Variants in SUPT3H observed in about 807,000 individuals in gnomAD.
SUPT3H encodes the protein transcription initiation protein SPT3 homolog.
A neutral mutation model predicts 44.3 loss-of-function variants in SUPT3H; 44 were observed. That is an observed-to-expected ratio of 0.99 (90% confidence interval 0.78 to 1.28). The LOEUF is 1.28. SUPT3H is among the 50% of genes most tolerant of loss of function. The pLI is 0.00. For synonymous variants in SUPT3H, 124 were observed against 125.6 expected (o/e 0.99, Z 0.09); for missense variants, 380 against 387.1 (o/e 0.98, Z 0.15).
At chr6:45,043,127 T>C (rs1788805833) in intron 3 of SUPT3H, among the ~76,000 whole-genome samples, 1 of 109,056 alleles carries the variant, frequency 9.2e-6, no homozygotes, top group Non-Finnish European at 1.9e-5. Flanking sequence ...GAGCCTTGTA[T>C]CTTACATACA....
chr6:45,356,476 C>T (rs1320092893), intron 2 of SUPT3H, among the ~76,000 whole-genome samples: 1 of 152,066 alleles, frequency 6.6e-6, no homozygotes, highest in Non-Finnish European at 1.5e-5. Context: ...CAGCTCACTG[C>T]AACCTCCACC....
chr6:44,987,344 G>A (rs945381520), intron 6 of SUPT3H, among the ~76,000 whole-genome samples: 1 of 151,942 alleles, frequency 6.6e-6, no homozygotes, highest in African/African-American at 2.4e-5. Context: ...TTTATGGGAT[G>A]GTCAGAGAAA....
At chr6:44,998,830 G>T (rs546360847) in intron 6 of SUPT3H, among the ~76,000 whole-genome samples, 2 of 151,698 alleles carry the variant, frequency 1.3e-5, no homozygotes, top group East Asian at 3.9e-4. Context: ...CTATGCTTTA[G>T]TTGAATGTTT....
intron 3 of SUPT3H, among the ~76,000 whole-genome samples, chr6:45,039,538 G>C (rs1424225391): frequency 2.0e-5 from 3 of 151,958 alleles, no homozygotes; most frequent in Non-Finnish European, 1.5e-5. Context: ...CCAGCAATTT[G>C]AGAGGCTAAG....
At chr6:44,937,303 C>T (rs1045020837) in intron 9 of SUPT3H, among the ~76,000 whole-genome samples, 1 of 151,886 alleles carries the variant, frequency 6.6e-6, no homozygotes, top group Non-Finnish European at 1.5e-5. Context: ...ACCAGCCTGG[C>T]CAACATGGTG....
intron 6 of SUPT3H, among the ~76,000 whole-genome samples, chr6:44,993,545 A>G (rs1225468214): frequency 2.0e-5 from 3 of 152,124 alleles, no homozygotes; most frequent in Non-Finnish European, 4.4e-5. Flanking sequence ...AGCTATGGGT[A>G]AAATGTAATT....
chr6:44,987,692 G>C (rs938562655), intron 6 of SUPT3H, among the ~76,000 whole-genome samples: 3 of 145,512 alleles, frequency 2.1e-5, no homozygotes, highest in Non-Finnish European at 2.9e-5. Context: ...AGCTTTTTTT[G>C]TTTGTTTAAG....
At chr6:44,890,909 C>T (rs2153441465) in intron 10 of SUPT3H, among the ~76,000 whole-genome samples, 1 of 150,840 alleles carries the variant, frequency 6.6e-6, no homozygotes, top group African/African-American at 2.4e-5. Flanking sequence ...AAACCAAACA[C>T]TGCAAGTCGG....
chr6:45,196,248 A>T (rs1026483325), intron 2 of SUPT3H, among the ~76,000 whole-genome samples: 1 of 151,990 alleles, frequency 6.6e-6, no homozygotes, highest in African/African-American at 2.4e-5. Flanking sequence ...TTTAAAATTT[A>T]TTTTTTTAGA....
At chr6:45,029,010 TGAAAG>T (rs1320919362) in intron 3 of SUPT3H, among the ~76,000 whole-genome samples, 1 of 151,676 alleles carries the variant, frequency 6.6e-6, no homozygotes, top group East Asian at 1.9e-4. Context: ...AGTAAGTATT[TGAAAG>T]GAAATGTATT....
intron 10 of SUPT3H, among the ~76,000 whole-genome samples, chr6:44,881,895 G>A (rs1420704075): frequency 6.6e-6 from 1 of 152,132 alleles, no homozygotes; most frequent in East Asian, 1.9e-4. Flanking sequence ...AGTGATTAGA[G>A]GGAAATTTAT....
intron 6 of SUPT3H, among the ~76,000 whole-genome samples, chr6:44,999,264 T>C (rs1781688613): frequency 6.6e-6 from 1 of 151,988 alleles, no homozygotes; most frequent in African/African-American, 2.4e-5. Flanking sequence ...GATGGTTGAA[T>C]AGTGTTTCGG....
intron 2 of SUPT3H, among the ~76,000 whole-genome samples, chr6:45,262,422 C>T (rs1003139054): frequency 2.0e-5 from 3 of 152,000 alleles, no homozygotes; most frequent in Admixed American, 1.3e-4. Context: ...AAGGACTCCC[C>T]ATTCAATGAA....
At chr6:45,299,956 T>C (rs1781891998) in intron 2 of SUPT3H, among the ~76,000 whole-genome samples, 1 of 152,022 alleles carries the variant, frequency 6.6e-6, no homozygotes, top group Non-Finnish European at 1.5e-5. Flanking sequence ...TGAATATATA[T>C]ATATATGTGT....
At chr6:45,008,126 C>T (rs1782977673) in intron 5 of SUPT3H, among the ~76,000 whole-genome samples, 1 of 152,062 alleles carries the variant, frequency 6.6e-6, no homozygotes, top group Non-Finnish European at 1.5e-5. Flanking sequence ...ATCATGAATG[C>T]TGCTGCTAAC....
intron 3 of SUPT3H, among the ~76,000 whole-genome samples, chr6:45,041,891 T>G (rs1788589447): frequency 6.6e-6 from 1 of 152,152 alleles, no homozygotes; most frequent in Non-Finnish European, 1.5e-5. Flanking sequence ...ATGAGATGAT[T>G]ATGGGCTTAT....
At chr6:44,923,480 G>A (rs965923770) in intron 10 of SUPT3H, among the ~76,000 whole-genome samples, 7 of 151,966 alleles carry the variant, frequency 4.6e-5, no homozygotes, top group Non-Finnish European at 7.4e-5. Context: ...TTACGTCTTG[G>A]AATTTAGGTT....
chr6:45,277,742 A>C (rs1375421835), intron 2 of SUPT3H, among the ~76,000 whole-genome samples: 1 of 152,230 alleles, frequency 6.6e-6, no homozygotes, highest in Non-Finnish European at 1.5e-5. Flanking sequence ...CTGGATAAAG[A>C]AAATGTGGCA....
rs375261944 is a variant in SUPT3H, at chr6:45,139,662, C to T, written c.102-33656G>A. The stretch of plus-strand genomic sequence containing the variant: ...GGTAACAGGAGAAGGATTTACCTTA[C>T]GTAAAGCTGAAATGTATTAGGGAGC... On this transcript the variant is annotated intron_variant, in intron 2 of 10. Transcript: ENST00000371459. Among the ~76,000 whole-genome samples, 19 of 152,154 alleles carry T rather than the reference C, an allele frequency of 1.2e-4. No homozygotes were observed. In the East Asian group the frequency reaches 2.3e-3, roughly 19 times the overall value.
Sources: allele counts gnomAD v4.1 joint callset (sites outside exome capture counted in the v4.1 genomes callset), GRCh38; gene constraint gnomAD v4.1.1; transcripts MANE v1.5; gene names NCBI Gene and HGNC (gene_info 2026-07-23, HGNC 2026-07-21).